UNC5D: variants seen among roughly 807,000 people sequenced by gnomAD.
UNC5D encodes the protein unc-5 netrin receptor D.
A neutral mutation model predicts 105.4 loss-of-function variants in UNC5D; 39 were observed. The ratio of observed to expected loss-of-function variants is 0.37; its 90% CI spans 0.29 to 0.48. The LOEUF (loss-of-function observed/expected upper bound fraction) is 0.48. Ranked by LOEUF, UNC5D falls within the 20% of genes least tolerant of loss-of-function variation. UNC5D has a pLI of 0.98. For missense variants in UNC5D, 991 were observed against 1,202.4 expected, an observed-to-expected ratio of 0.82 and a Z score of 2.60; for synonymous variants, 452 against 450.4, an observed-to-expected ratio of 1.00 and a Z score of -0.04.
rs138363712 is a variant in UNC5D, at chr8:35,649,596, C to T, written c.571-33951C>T. ...GAAGATGGAAACATAATAACCTGAC[C>T]GTGGAGAAACCTGGAAAACACCACC... On this transcript the variant is annotated intron_variant, in intron 4 of 16. Coordinates refer to ENST00000404895, the MANE Select transcript of UNC5D (RefSeq NM_080872.4). Among the ~76,000 whole-genome samples, 433 of 152,212 alleles carry T rather than the reference C, an allele frequency of 2.8e-3. 1 individual carries two copies. Among genetic ancestry groups the T allele is most frequent in the Non-Finnish European group, 4.9e-3 (330 of 68,014 alleles).
At chr8:35,278,303 G>C (rs1248584832) in intron 1 of UNC5D, among the ~76,000 whole-genome samples, 1 of 152,118 alleles carries the variant, frequency 6.6e-6, no homozygotes, top group African/African-American at 2.4e-5. Context: ...AGTGAGCTGG[G>C]ATCACTTCCA....
intron 1 of UNC5D, among the ~76,000 whole-genome samples, chr8:35,547,152 G>T (rs188022086): frequency 2.1e-3 from 315 of 152,218 alleles, no homozygotes; most frequent in Non-Finnish European, 3.8e-3. Context: ...TGTGTTTCCA[G>T]TTGTTAGGAG....
At chr8:35,582,305 T>G (rs1400225443) in intron 3 of UNC5D, among the ~76,000 whole-genome samples, 2 of 152,216 alleles carry the variant, frequency 1.3e-5, no homozygotes, top group Non-Finnish European at 2.9e-5. Flanking sequence ...CTGGAAAGCA[T>G]CTTCCTGATG....
intron 1 of UNC5D, among the ~76,000 whole-genome samples, chr8:35,433,664 C>T (rs1181145913): frequency 6.6e-6 from 1 of 151,702 alleles, no homozygotes; most frequent in East Asian, 1.9e-4. Flanking sequence ...TATAAACCAT[C>T]AGTACTCAAA....
chr8:35,760,311 G>A (rs1801467951), intron 14 of UNC5D, among the ~76,000 whole-genome samples: 1 of 151,918 alleles, frequency 6.6e-6, no homozygotes, highest in Admixed American at 6.6e-5. Context: ...CCAAAGTGCT[G>A]GGATTACAGA....
At chr8:35,332,113 T>G (rs1390184049) in intron 1 of UNC5D, among the ~76,000 whole-genome samples, 1 of 152,176 alleles carries the variant, frequency 6.6e-6, no homozygotes, top group Admixed American at 6.5e-5. Flanking sequence ...GCAAGGGCAT[T>G]TTCTTGAGGG....
intron 3 of UNC5D, among the ~76,000 whole-genome samples, chr8:35,574,167 T>G (rs990682176): frequency 6.6e-6 from 1 of 152,222 alleles, no homozygotes; most frequent in Non-Finnish European, 1.5e-5. Flanking sequence ...TCCCTGTTTT[T>G]CTCCTTCTTC....
chr8:35,763,863 T>A (rs1586607921), intron 14 of UNC5D, among the ~76,000 whole-genome samples: 1 of 152,234 alleles, frequency 6.6e-6, no homozygotes, highest in East Asian at 1.9e-4. Context: ...ACACAGCAGG[T>A]TGATCAAACG....
intron 4 of UNC5D, among the ~76,000 whole-genome samples, chr8:35,600,867 C>A (rs909142987): frequency 6.6e-6 from 1 of 152,080 alleles, no homozygotes; most frequent in Non-Finnish European, 1.5e-5. Context: ...GACATGAAGA[C>A]CTTGCCCATG....
At chr8:35,786,548 A>T (rs886087758) in intron 16 of UNC5D, among the ~76,000 whole-genome samples, 1 of 152,162 alleles carries the variant, frequency 6.6e-6, no homozygotes, top group Non-Finnish European at 1.5e-5. Context: ...GATTCATTAG[A>T]AGCCTCAAAA....
intron 1 of UNC5D, among the ~76,000 whole-genome samples, chr8:35,462,242 TAATTA>T (rs1297377241): frequency 2.1e-4 from 32 of 152,286 alleles, no homozygotes; most frequent in African/African-American, 6.7e-4. Context: ...ACAACCTAGT[TAATTA>T]AATTGCTCAA....
At chr8:35,751,852 A>G (rs1830294903) in intron 13 of UNC5D, among the ~76,000 whole-genome samples, 2 of 152,230 alleles carry the variant, frequency 1.3e-5, no homozygotes, top group Non-Finnish European at 2.9e-5. Context: ...CAAACGGAGA[A>G]GAGTTTTTGG....
chr8:35,622,487 A>G (rs569039110), intron 4 of UNC5D, among the ~76,000 whole-genome samples: 61 of 152,298 alleles, frequency 4.0e-4, no homozygotes, highest in African/African-American at 1.4e-3. Flanking sequence ...TCCTCTTGTT[A>G]GCTGTGTGTT....
At chr8:35,620,705 G>A (rs1001872766) in intron 4 of UNC5D, among the ~76,000 whole-genome samples, 3 of 152,098 alleles carry the variant, frequency 2.0e-5, no homozygotes, top group Non-Finnish European at 2.9e-5. Flanking sequence ...CTGAAAGTTA[G>A]TTCTAATTTA....
chr8:35,651,777 C>T (rs1823420266), intron 4 of UNC5D, among the ~76,000 whole-genome samples: 1 of 152,100 alleles, frequency 6.6e-6, no homozygotes, highest in Non-Finnish European at 1.5e-5. Flanking sequence ...CTGGGTCTTG[C>T]TTATTTCATG....
At chr8:35,703,390 C>T (rs147760242) in intron 7 of UNC5D, among the ~76,000 whole-genome samples, 20 of 152,120 alleles carry the variant, frequency 1.3e-4, no homozygotes, top group African/African-American at 3.1e-4. Flanking sequence ...TGAGGACACA[C>T]GGAATGTAGA....
intron 11 of UNC5D, among the ~76,000 whole-genome samples, chr8:35,736,420 T>C (rs984903304): frequency 5.9e-5 from 9 of 152,168 alleles, no homozygotes; most frequent in African/African-American, 2.2e-4. Flanking sequence ...TACACTCTTT[T>C]AATAACTAGA....
intron 14 of UNC5D, among the ~76,000 whole-genome samples, chr8:35,765,461 G>C (rs1433665471): frequency 6.6e-6 from 1 of 152,036 alleles, no homozygotes; most frequent in East Asian, 1.9e-4. Context: ...CAAACAAAAC[G>C]ACCCACAGCT....
At chr8:35,243,185 T>C (rs888672776) in intron 1 of UNC5D, among the ~76,000 whole-genome samples, 2 of 152,166 alleles carry the variant, frequency 1.3e-5, no homozygotes, top group Admixed American at 6.5e-5. Context: ...ATTTTCAATA[T>C]TGTTTTTTCT....
Sources: allele counts gnomAD v4.1 joint callset (sites outside exome capture counted in the v4.1 genomes callset), GRCh38; gene constraint gnomAD v4.1.1; transcripts MANE v1.5; gene names NCBI Gene and HGNC (gene_info 2026-07-23, HGNC 2026-07-21).